The following PAK1 variants were observed in gnomAD, a reference collection of about 807,000 sequenced individuals.
PAK1 encodes the protein p21 (RAC1) activated kinase 1, also known as serine/threonine-protein kinase PAK 1.
Under a neutral mutation model 67.4 loss-of-function variants are expected in PAK1, and 29 were observed. The observed-to-expected ratio is 0.43, with a 90% confidence interval of 0.32 to 0.59. PAK1 has a LOEUF of 0.59. Among genes scored for constraint, PAK1 ranks in the 20% least tolerant of loss-of-function variants. PAK1 has a pLI of 0.07. For missense variants in PAK1, 337 were observed against 670.7 expected, an observed-to-expected ratio of 0.50 and a Z score of 5.50; for synonymous variants, 223 against 237.4, an observed-to-expected ratio of 0.94 and a Z score of 0.56.
chr11:77,379,573 T>G, intron 3 of PAK1, 185 bp from the exon 4 acceptor site: 2 of 604,552 alleles, frequency 3.3e-6, no homozygotes, highest in Non-Finnish European at 5.7e-6. Flanking sequence ...ATTAGTCATT[T>G]CTTAAGATGT....
chr11:77,367,365 C>G (rs1454190649), intron 5 of PAK1, among the ~76,000 whole-genome samples: 1 of 152,082 alleles, frequency 6.6e-6, no homozygotes, highest in African/African-American at 2.4e-5. Flanking sequence ...AGGAAAACCT[C>G]TAACATAAAA....
chr11:77,442,480 A>G (rs563137267), intron 1 of PAK1, among the ~76,000 whole-genome samples: 2 of 152,188 alleles, frequency 1.3e-5, no homozygotes, highest in Non-Finnish European at 2.9e-5. Context: ...TGAAGCTTTT[A>G]GCCAACAGCC....
At chr11:77,354,387 T>C (rs1430612632) in intron 7 of PAK1, among the ~76,000 whole-genome samples, 1 of 152,158 alleles carries the variant, frequency 6.6e-6, no homozygotes, top group Admixed American at 6.5e-5. Context: ...TATTACCTCA[T>C]TTGATTTGCA....
intron 1 of PAK1, among the ~76,000 whole-genome samples, chr11:77,449,783 C>A (rs1031228098): frequency 6.6e-6 from 1 of 151,824 alleles, no homozygotes; most frequent in Non-Finnish European, 1.5e-5. Context: ...ATACCCTCAC[C>A]CCAATTCCCC....
At position 77,355,856 on chromosome 11, in the gene PAK1, G is replaced by A. The variant is rs2136516294; in HGVS notation, c.598-14C>T. On this transcript the variant is annotated splice_polypyrimidine_tract_variant and intron_variant, in intron 6 of 14. Coordinates refer to ENST00000356341, the MANE Select transcript of PAK1 (RefSeq NM_002576.5). ...CCGTGTGTATACCTGCATTATTAGTGCAAAATTTTGGCAAGACCAGCCTTT... is the reference window on the plus strand; with the variant it reads ...CCGTGTGTATACCTGCATTATTAGTACAAAATTTTGGCAAGACCAGCCTTT... 6.8e-6 allele frequency: 11 copies of A among 1,610,136 alleles called. No individual in the cohort carries two copies. The highest frequency in any genetic ancestry group is 1.7e-5 in the Admixed American group (1 of 59,786).
intron 1 of PAK1, among the ~76,000 whole-genome samples, chr11:77,445,110 T>C (rs1050148435): frequency 3.9e-5 from 6 of 152,098 alleles, no homozygotes; most frequent in Non-Finnish European, 8.8e-5. Flanking sequence ...TTGGTGTCCT[T>C]ATAAAAAGGG....
chr11:77,410,114 TC>T (rs1436657678), intron 1 of PAK1, among the ~76,000 whole-genome samples: 1 of 152,082 alleles, frequency 6.6e-6, no homozygotes, highest in Non-Finnish European at 1.5e-5. Context: ...CCTGCTATCC[TC>T]CCTCTTCTTT....
chr11:77,360,070 G>T (rs1946579537), intron 5 of PAK1, among the ~76,000 whole-genome samples: 2 of 152,116 alleles, frequency 1.3e-5, no homozygotes, highest in Non-Finnish European at 1.5e-5. Flanking sequence ...CAGGATGAGA[G>T]CCCCTCCTGC....
intron 1 of PAK1, among the ~76,000 whole-genome samples, chr11:77,449,360 G>GA: frequency 6.6e-6 from 1 of 152,278 alleles, no homozygotes; most frequent in Middle Eastern, 3.4e-3. Flanking sequence ...GGAACAACAT[G>GA]AACATCAGAG....
chr11:77,425,524 C>A (rs115562848), intron 1 of PAK1, among the ~76,000 whole-genome samples: 1 of 152,194 alleles, frequency 6.6e-6, no homozygotes, highest in Non-Finnish European at 1.5e-5. Context: ...CCCAGCCCCA[C>A]GGCTATCTCT....
chr11:77,492,227 C>T, the PAK1 span, among the ~76,000 whole-genome samples: 12 of 151,820 alleles, frequency 7.9e-5, no homozygotes, highest in African/African-American at 2.2e-4. Context: ...CCCAGCTACT[C>T]GGGAGGCTGA....
chr11:77,352,346 A>G (rs1433103595), intron 8 of PAK1, among the ~76,000 whole-genome samples: 2 of 152,170 alleles, frequency 1.3e-5, no homozygotes, highest in Non-Finnish European at 2.9e-5. Context: ...TTCACTCAAA[A>G]TAACAGCCAA....
At chr11:77,458,414 G>A (rs1459501138) in intron 1 of PAK1, among the ~76,000 whole-genome samples, 2 of 152,004 alleles carry the variant, frequency 1.3e-5, no homozygotes, top group Non-Finnish European at 2.9e-5. Flanking sequence ...ATTGTCCTCC[G>A]AATGTCCTGT....
At chr11:77,405,713 A>ACACACACACC (rs1953446204) in intron 1 of PAK1, among the ~76,000 whole-genome samples, 5 of 134,764 alleles carry the variant, frequency 3.7e-5, no homozygotes, top group African/African-American at 1.4e-4. Context: ...ACACACACAC[A>ACACACACACC]CCCTTCCCTT....
At chr11:77,498,449 G>A in the PAK1 span, among the ~76,000 whole-genome samples, 608 of 152,034 alleles carry the variant, frequency 4.0e-3, 3 homozygotes, top group Non-Finnish European at 6.1e-3. Flanking sequence ...TCATTGCAGT[G>A]ATTTATAAAA....
At chr11:77,507,222 C>T in the PAK1 span, among the ~76,000 whole-genome samples, 1 of 152,090 alleles carries the variant, frequency 6.6e-6, no homozygotes, top group Non-Finnish European at 1.5e-5. Context: ...AGCAAGTGAA[C>T]CTTAGAGAGA....
chr11:77,466,785 T>C (rs1252281349), intron 1 of PAK1, among the ~76,000 whole-genome samples: 1 of 152,106 alleles, frequency 6.6e-6, no homozygotes, highest in Non-Finnish European at 1.5e-5. Flanking sequence ...TATGGTGTAA[T>C]AGAAAAAGCA....
chr11:77,422,082 C>G (rs1285558159), intron 1 of PAK1, among the ~76,000 whole-genome samples: 1 of 152,100 alleles, frequency 6.6e-6, no homozygotes, highest in Non-Finnish European at 1.5e-5. Flanking sequence ...AAACACTTAT[C>G]CAATTTACTG....
chr11:77,419,717 C>A (rs1327066984), intron 1 of PAK1, among the ~76,000 whole-genome samples: 1 of 152,154 alleles, frequency 6.6e-6, no homozygotes, highest in African/African-American at 2.4e-5. Flanking sequence ...TCTCCTGACA[C>A]AACCAGTTAA....
Sources: allele counts gnomAD v4.1 joint callset (sites outside exome capture counted in the v4.1 genomes callset), GRCh38; gene constraint gnomAD v4.1.1; transcripts MANE v1.5; gene names NCBI Gene and HGNC (gene_info 2026-07-23, HGNC 2026-07-21).